Variants in DIXDC1 observed in about 807,000 individuals in gnomAD.
The protein encoded by DIXDC1 is DIX domain containing 1, also known as dixin.
A neutral mutation model predicts 103.1 loss-of-function variants in DIXDC1; 64 were observed. That is an observed-to-expected ratio of 0.62 (90% confidence interval 0.51 to 0.76). DIXDC1 has a LOEUF of 0.76. Ranked by LOEUF, DIXDC1 falls within the 30% of genes least tolerant of loss-of-function variation. The pLI is 0.00. For missense variants in DIXDC1, 759 were observed against 834.2 expected (o/e 0.91, Z 1.11); for synonymous variants, 266 against 298.5 (o/e 0.89, Z 1.12).
In DIXDC1 at chr11:112,016,711, T is replaced by C. The variant is rs1555177768; in HGVS notation, c.1777T>C (p.Ser593Pro). 6 of 1,605,426 alleles carry C rather than the reference T, an allele frequency of 3.7e-6. No individual in the cohort carries two copies. The Admixed American group carries it at 1.0e-4, about 27-fold the overall frequency. Residue 593 changes from serine (S) to proline (P), a missense_variant, in exon 18 of 20, where the codon TCT (serine) becomes CCT (proline). Coordinates refer to ENST00000440460, the MANE Select transcript of DIXDC1 (RefSeq NM_001037954.4). ...TGTAGAGTTGCCTCACTCACAGAGCTCTCCAACTGTCAGCAGCACCTGTAC... is the reference window on the plus strand; with the variant it reads ...TGTAGAGTTGCCTCACTCACAGAGCCCTCCAACTGTCAGCAGCACCTGTAC... ...PNSKLPHSQS[S>P]PTVSSTCTKV...
intron 2 of DIXDC1, chr11:111,929,924 GTA>G (rs1555167499): frequency 6.5e-7 from 1 of 1,535,242 alleles, no homozygotes; most frequent in South Asian, 1.2e-5. Context: ...AGTTTTTGGT[GTA>G]CTATTGTGAA....
At chr11:111,934,264 A>G (rs1592532508), upstream of DIXDC1, among the ~76,000 whole-genome samples, 1 of 152,232 alleles carries the variant, frequency 6.6e-6, no homozygotes, top group African/African-American at 2.4e-5. Context: ...GCACACAGTA[A>G]AAGCTCAATT....
chr11:112,008,917 A>C (rs1861323461), intron 17 of DIXDC1, among the ~76,000 whole-genome samples: 1 of 152,212 alleles, frequency 6.6e-6, no homozygotes, highest in Non-Finnish European at 1.5e-5. Context: ...AAGAGCAAAG[A>C]AATTCAAACG....
At position 111,955,987 on chromosome 11, in the gene DIXDC1, TAC is replaced by T. The variant is rs71461600; in HGVS notation, c.61-8527_61-8526del. Among the ~76,000 whole-genome samples the T allele has an allele frequency of 7.8e-3, 1,113 of 142,346 alleles. 4 individuals carry two copies. The highest frequency in any genetic ancestry group is 0.019 in the Middle Eastern group (5 of 270). The allele number at this position is 142,346 out of a possible 152,430, so 93.4% of individuals were successfully genotyped here. On this transcript the variant is annotated intron_variant, in intron 1 of 19. Coordinates refer to ENST00000440460, the MANE Select transcript of DIXDC1 (RefSeq NM_001037954.4). ...AAAATGTGGTGCATATATATATGTG[TAC>T]ACACACACACACACACACACACACA...
Position 112,021,099 on chromosome 11 carries a change from C to G in DIXDC1, c.*2063C>G, listed in dbSNP as rs587644887. On this transcript the variant is annotated 3_prime_UTR_variant, in exon 20 of 20. Transcript: ENST00000440460. Reference sequence around the variant, plus strand: ...CAGTTTTTACTTGTCAGTTTTCTCTCAGCAAACAGTCTTACTATTATGTGG... The same window carrying G: ...CAGTTTTTACTTGTCAGTTTTCTCTGAGCAAACAGTCTTACTATTATGTGG... 6.6e-6 allele frequency: 1 copy of G among 152,306 alleles called. No homozygotes were observed. Among genetic ancestry groups the G allele is most frequent in the East Asian group, 1.9e-4 (1 of 5,178 alleles). The allele number at this position is 152,306 out of a possible 1,614,324, so 9.4% of individuals were successfully genotyped here.
chr11:111,946,195 G>A (rs1271755775), intron 1 of DIXDC1, among the ~76,000 whole-genome samples: 138 of 150,006 alleles, frequency 9.2e-4, no homozygotes, highest in African/African-American at 3.1e-3. Context: ...TGCAAGCTCC[G>A]CCTCCTGGGT....
intron 1 of DIXDC1, among the ~76,000 whole-genome samples, chr11:111,939,238 GA>G (rs782476933): frequency 1.4e-4 from 21 of 152,298 alleles, no homozygotes; most frequent in African/African-American, 3.4e-4. Context: ...TTTTCACTTC[GA>G]AACCTTTCGA....
chr11:111,993,453 C>T (rs1397491417), intron 12 of DIXDC1, 43 bp from the exon 13 acceptor site: 5 of 1,608,496 alleles, frequency 3.1e-6, no homozygotes, highest in Non-Finnish European at 4.3e-6. Flanking sequence ...TTTTCAGTGT[C>T]CCTGGTTTTG....
chr11:111,941,385 T>C (rs1160347854), intron 1 of DIXDC1, among the ~76,000 whole-genome samples: 1 of 152,134 alleles, frequency 6.6e-6, no homozygotes, highest in Admixed American at 6.5e-5. Flanking sequence ...AAATGATGGT[T>C]GACAGGAAAT....
chr11:111,956,308 G>A (rs1256286550), intron 1 of DIXDC1, among the ~76,000 whole-genome samples: 2 of 152,018 alleles, frequency 1.3e-5, no homozygotes, highest in Non-Finnish European at 2.9e-5. Flanking sequence ...ACAACAATGT[G>A]AATATACTTA....
intron 1 of DIXDC1, among the ~76,000 whole-genome samples, chr11:111,946,364 T>C (rs1966597458): frequency 2.0e-5 from 3 of 152,326 alleles, no homozygotes; most frequent in Middle Eastern, 6.8e-3. Context: ...CGCCTTGGCC[T>C]CCCAAAGTGC....
At chr11:111,944,699 C>T (rs1041300936) in intron 1 of DIXDC1, among the ~76,000 whole-genome samples, 1 of 152,128 alleles carries the variant, frequency 6.6e-6, no homozygotes, top group Non-Finnish European at 1.5e-5. Context: ...TTCCACCGGC[C>T]ACCTCGTGGT....
intron 1 of DIXDC1, among the ~76,000 whole-genome samples, chr11:111,941,425 T>G (rs1350587629): frequency 6.6e-6 from 1 of 152,064 alleles, no homozygotes; most frequent in Non-Finnish European, 1.5e-5. Context: ...CTTTTGAACA[T>G]AAGTTCTGGC....
At chr11:111,989,881 T>C (rs1230446055) in intron 10 of DIXDC1, among the ~76,000 whole-genome samples, 35 of 150,076 alleles carry the variant, frequency 2.3e-4, no homozygotes, top group South Asian at 6.5e-4. Context: ...CTCTGCCTCC[T>C]GGGTTCATGC....
intron 1 of DIXDC1, among the ~76,000 whole-genome samples, chr11:111,952,876 G>C (rs1429923485): frequency 6.6e-6 from 1 of 151,560 alleles, no homozygotes; most frequent in Non-Finnish European, 1.5e-5. Flanking sequence ...TATGGCCTTA[G>C]CTACTCTGGA....
At chr11:111,947,862 T>A (rs1184221868) in intron 1 of DIXDC1, among the ~76,000 whole-genome samples, 1 of 152,182 alleles carries the variant, frequency 6.6e-6, no homozygotes, top group African/African-American at 2.4e-5. Context: ...GTTTTTAAAG[T>A]TACATGAAGG....
At position 112,016,811 on chromosome 11, in the gene DIXDC1, T is replaced by A. The variant is rs368758759; in HGVS notation, c.1862+15T>A. 1.5e-5 allele frequency: 24 copies of A among 1,582,824 alleles called. No individual in the cohort carries two copies. Among genetic ancestry groups the A allele is most frequent in the Non-Finnish European group, 2.1e-5 (24 of 1,160,914 alleles). Reference sequence around the variant, plus strand: ...ATACCAAAGAGGTGAGATTCTGGGATCATTGTATTTCACTGTAAAGAAGGA... The same window carrying A: ...ATACCAAAGAGGTGAGATTCTGGGAACATTGTATTTCACTGTAAAGAAGGA... On this transcript the variant is annotated intron_variant, in intron 18 of 19. Transcript: ENST00000440460.
In DIXDC1 at chr11:111,977,300, C is replaced by T. The variant is rs990437810; in HGVS notation, c.656+2317C>T. 1.2e-5 allele frequency: 10 copies of T among 866,452 alleles called. No individual in the cohort carries two copies. In the East Asian group the frequency reaches 7.3e-4, roughly 63 times the overall value. The allele number at this position is 866,452 out of a possible 1,614,324, so 53.7% of individuals were successfully genotyped here. ...CCCAGGGAGGGAGCAGAGGGTGGGG[C>T]GGGGAGGGATCCGGAAGGTGGCACG... On this transcript the variant is annotated intron_variant, in intron 5 of 19. Transcript: ENST00000440460. The surrounding 1 kb of genome is among the most constrained non-coding windows in gnomAD (Gnocchi z 6.1).
intron 1 of DIXDC1, among the ~76,000 whole-genome samples, chr11:111,929,285 A>G (rs1555167406): frequency 1.3e-5 from 2 of 152,238 alleles, no homozygotes; most frequent in Non-Finnish European, 2.9e-5. Context: ...ATTTCTCCTG[A>G]TTATCTTCAG....
Sources: gnomAD v4.1 joint callset for allele counts (sites outside exome capture counted in the v4.1 genomes callset) on GRCh38, gnomAD v4.1.1 for gene constraint, Gnocchi (gnomAD v3.1) non-coding constraint, MANE v1.5 for transcripts, NCBI Gene and HGNC (gene_info 2026-07-23, HGNC 2026-07-21) for gene names.